The following POLQ variants were observed in gnomAD, a reference collection of about 807,000 sequenced individuals.
The protein encoded by POLQ is DNA polymerase theta, also known as epididymis secretory sperm binding protein.
A neutral mutation model predicts 259.2 loss-of-function variants in POLQ; 233 were observed. That is an observed-to-expected ratio of 0.90 (90% CI 0.81 to 1.00). The LOEUF is 1.00. POLQ is among the 50% of genes least tolerant of loss of function. The pLI, the probability that POLQ is intolerant of heterozygous loss-of-function variation, is 0.00. For synonymous variants in POLQ, 1,025 were observed against 1,048.8 expected, an observed-to-expected ratio of 0.98 and a Z score of 0.44; for missense variants, 2,871 against 3,051.6, an observed-to-expected ratio of 0.94 and a Z score of 1.39.
intron 23 of POLQ, 24 bp downstream of exon 23, chr3:121,468,281 C>T (rs2047854704): frequency 6.3e-7 from 1 of 1,586,374 alleles, no homozygotes; most frequent in South Asian, 1.2e-5. Flanking sequence ...TTTATTAATA[C>T]AGATACAGAG....
At chr3:121,459,842 C>T (rs186938453) in intron 25 of POLQ, among the ~76,000 whole-genome samples, 2 of 152,218 alleles carry the variant, frequency 1.3e-5, no homozygotes, top group Non-Finnish European at 2.9e-5. Context: ...CACGAAGTAG[C>T]CTCAGATCTC....
chr3:121,467,994 C>T (rs2047852705), intron 23 of POLQ, among the ~76,000 whole-genome samples: 1 of 152,172 alleles, frequency 6.6e-6, no homozygotes, highest in Non-Finnish European at 1.5e-5. Context: ...GATCGCACCA[C>T]TGCACTCCAG....
At chr3:121,440,238 C>T (rs776164381) in intron 26 of POLQ, 122 bp from the exon 27 acceptor site, 56 of 653,848 alleles carry the variant, frequency 8.6e-5, no homozygotes, top group Non-Finnish European at 1.2e-4. Context: ...AATATCATAT[C>T]GTCAAATCAG....
intron 25 of POLQ, among the ~76,000 whole-genome samples, chr3:121,456,374 T>C (rs1345585694): frequency 1.3e-5 from 2 of 151,896 alleles, no homozygotes; most frequent in Admixed American, 6.6e-5. Context: ...TGTTGGAAGA[T>C]CTGGCCAGGG....
chr3:121,544,819 T>C lies in POLQ; in HGVS notation c.251A>G (p.Tyr84Cys), dbSNP rs2048517803. The change falls in exon 2 of 30, where the codon TAC becomes TGC. Residue 84 changes from tyrosine (Y) to cysteine (C), a missense_variant. Coordinates refer to ENST00000264233, the MANE Select transcript of POLQ (RefSeq NM_199420.4). ...CATCTTTTTTACACCAAAACTGTGG[T>C]ATTTTTCCAGAACTGCTTTAGGAAG... Reference protein sequence around the residue: ...WGLPKAVLEKYHSFGVKKMFE... With the variant: ...WGLPKAVLEKCHSFGVKKMFE... The C allele has an allele frequency of 6.2e-7, 1 of 1,612,516 alleles. No individual in the cohort carries two copies. The highest frequency in any genetic ancestry group is 1.3e-5 in the African/African-American group (1 of 74,910).
intron 7 of POLQ, among the ~76,000 whole-genome samples, chr3:121,526,906 C>G (rs1172476335): frequency 6.6e-6 from 1 of 151,928 alleles, no homozygotes; most frequent in Admixed American, 6.6e-5. Flanking sequence ...CGCGCACGCA[C>G]GTGCATCTGT....
Position 121,521,997 on chromosome 3 carries a change from A to G in POLQ, c.1255+6T>C. ...GTTTCTTAATAACATTATAAATATG[A>G]AATACCTGCATGATGAAATGCTACT... On this transcript the variant is annotated splice_donor_region_variant and intron_variant, in intron 8 of 29. Coordinates refer to ENST00000264233, the MANE Select transcript of POLQ (RefSeq NM_199420.4). 1 of 1,553,946 alleles carries G rather than the reference A, an allele frequency of 6.4e-7. No individual in the cohort carries two copies. Among genetic ancestry groups the G allele is most frequent in the Non-Finnish European group, 8.7e-7 (1 of 1,155,362 alleles).
At chr3:121,457,892 C>A (rs556656403) in intron 25 of POLQ, among the ~76,000 whole-genome samples, 34 of 152,190 alleles carry the variant, frequency 2.2e-4, no homozygotes, top group African/African-American at 8.2e-4. Context: ...TGGGTATATA[C>A]CCAAAGGACT....
intron 16 of POLQ, among the ~76,000 whole-genome samples, chr3:121,486,991 C>A (rs748716043): frequency 3.3e-5 from 5 of 151,168 alleles, no homozygotes; most frequent in Non-Finnish European, 7.4e-5. Context: ...TAATAAAAAC[C>A]ATTATGTTAC....
At position 121,488,683 on chromosome 3, in the gene POLQ, A is replaced by C; in HGVS notation, c.4248T>G (p.Ile1416Met). Residue 1416 changes from isoleucine (I) to methionine (M), a missense_variant, in exon 16 of 30, where the codon ATT becomes ATG. By Grantham distance (10) the Ile-to-Met change is conservative. This residue lies in a region of POLQ where 2,080 missense variants were observed against 2,126.0 expected (regional missense o/e 0.98). Coordinates refer to ENST00000264233, the MANE Select transcript of POLQ (RefSeq NM_199420.4). ...GVDILTPESPIFHSPILLEEN... is the reference protein window; with the variant it reads ...GVDILTPESPMFHSPILLEEN... ...CCTCCAATAGTATTGGAGAATGGAAAATCGGGCTTTCTGGAGTCAGGATAT... is the reference window on the plus strand; with the variant it reads ...CCTCCAATAGTATTGGAGAATGGAACATCGGGCTTTCTGGAGTCAGGATAT... 1 of 1,612,972 alleles carries C rather than the reference A, an allele frequency of 6.2e-7. No individual in the cohort carries two copies.
At position 121,467,516 on chromosome 3, in the gene POLQ, T is replaced by C. The variant is rs374634303; in HGVS notation, c.6967+3A>G. ...GAAGCTTCAAAGCTATCAGCCACCT[T>C]ACCTGGGAAAGGCACAAAGGCATGT... On this transcript the variant is annotated splice_donor_region_variant and intron_variant, in intron 24 of 29. Coordinates refer to ENST00000264233, the MANE Select transcript of POLQ (RefSeq NM_199420.4). The C allele has an allele frequency of 6.2e-6, 10 of 1,613,482 alleles. No individual in the cohort carries two copies. The highest frequency in any genetic ancestry group is 8.5e-6 in the Non-Finnish European group (10 of 1,179,700).
intron 22 of POLQ, among the ~76,000 whole-genome samples, chr3:121,471,754 T>G (rs1023555395): frequency 1.4e-4 from 22 of 151,978 alleles, no homozygotes; most frequent in African/African-American, 4.8e-4. Context: ...AGTGAAACTC[T>G]GTCTCAAAAT....
chr3:121,432,286 A>G lies in POLQ; in HGVS notation c.*18T>C, dbSNP rs766451729. On this transcript the variant is annotated 3_prime_UTR_variant, in exon 30 of 30. Coordinates refer to ENST00000264233, the MANE Select transcript of POLQ (RefSeq NM_199420.4). ...CATCTGCACAGGCTTCCCTGGGAGGACTTCATCAACAGCACAGTTACACAT... is the reference window on the plus strand; with the variant it reads ...CATCTGCACAGGCTTCCCTGGGAGGGCTTCATCAACAGCACAGTTACACAT... 7 of 1,580,052 alleles carry G rather than the reference A, an allele frequency of 4.4e-6. No individual in the cohort carries two copies. The Admixed American group carries it at 7.7e-5, about 17-fold the overall frequency.
intron 9 of POLQ, among the ~76,000 whole-genome samples, chr3:121,514,022 C>CAAA (rs1185320178): frequency 4.3e-4 from 12 of 27,600 alleles, no homozygotes; most frequent in Admixed American, 7.7e-4. Flanking sequence ...AACTCCATCT[C>CAAA]AAAAAAAAAA....
At chr3:121,439,419 T>C (rs564591049) in intron 27 of POLQ, among the ~76,000 whole-genome samples, 34 of 152,146 alleles carry the variant, frequency 2.2e-4, no homozygotes, top group Admixed American at 3.9e-4. Flanking sequence ...TTTATAGATA[T>C]AGGTGATCTC....
chr3:121,483,709 G>T, intron 17 of POLQ, 127 bp from the exon 18 acceptor site: 1 of 604,604 alleles, frequency 1.7e-6, no homozygotes, highest in Non-Finnish European at 2.7e-6. Flanking sequence ...GGTTCCATGT[G>T]ACGAGTAATT....
chr3:121,462,931 C>T (rs538115916), intron 24 of POLQ, among the ~76,000 whole-genome samples: 2 of 152,306 alleles, frequency 1.3e-5, no homozygotes, highest in East Asian at 3.9e-4. Context: ...CTACAAAATC[C>T]AAAGATTCAA....
chr3:121,458,478 T>C (rs909752374), intron 25 of POLQ, among the ~76,000 whole-genome samples: 5 of 152,226 alleles, frequency 3.3e-5, no homozygotes, highest in Non-Finnish European at 7.3e-5. Flanking sequence ...CTACCACTTA[T>C]AGCTGCATGA....
chr3:121,516,184 T>A (rs1360153076), intron 9 of POLQ, among the ~76,000 whole-genome samples: 1 of 152,106 alleles, frequency 6.6e-6, no homozygotes, highest in East Asian at 1.9e-4. Flanking sequence ...ATATGTTAAC[T>A]GGCTTAATTC....
Sources: allele counts gnomAD v4.1 joint callset (sites outside exome capture counted in the v4.1 genomes callset), GRCh38; gene constraint gnomAD v4.1.1; regional missense constraint gnomAD v4.1.1; transcripts MANE v1.5; gene names NCBI Gene and HGNC (gene_info 2026-07-23, HGNC 2026-07-21).